The following AIMP1 variants were observed in gnomAD, a reference collection of about 807,000 sequenced individuals.
AIMP1 encodes the protein aminoacyl tRNA synthase complex-interacting multifunctional protein 1.
Under a neutral mutation model 33.1 loss-of-function variants are expected in AIMP1, and 24 were observed. The observed-to-expected ratio is 0.73, with a 90% CI of 0.53 to 1.02. The LOEUF (loss-of-function observed/expected upper bound fraction) is 1.02. AIMP1 is among the 50% of genes least tolerant of loss of function. The pLI is 0.00. For synonymous variants in AIMP1, 120 were observed against 121.5 expected, an observed-to-expected ratio of 0.99 and a Z score of 0.08; for missense variants, 367 against 364.8, an observed-to-expected ratio of 1.01 and a Z score of -0.05.
At chr4:106,331,583 G>T in intron 4 of AIMP1, 89 bp from the exon 5 acceptor site, 1 of 1,121,848 alleles carries the variant, frequency 8.9e-7, no homozygotes, top group Middle Eastern at 2.0e-4. Context: ...TTCCTTTTAA[G>T]CTCATTGGTA....
chr4:106,328,335 A>G, intron 4 of AIMP1, 92 bp downstream of exon 4: 1 of 1,426,662 alleles, frequency 7.0e-7, no homozygotes, highest in Non-Finnish European at 9.5e-7. Flanking sequence ...TATCAAAAGT[A>G]AAGTTCAACT....
At chr4:106,323,723 A>G (rs1024613654) in intron 1 of AIMP1, among the ~76,000 whole-genome samples, 4 of 152,196 alleles carry the variant, frequency 2.6e-5, no homozygotes, top group Admixed American at 2.0e-4. Flanking sequence ...TATACTCAAT[A>G]GGTAAAATGT....
At chr4:106,341,922 G>C (rs1480538373) in intron 6 of AIMP1, among the ~76,000 whole-genome samples, 3 of 152,118 alleles carry the variant, frequency 2.0e-5, no homozygotes, top group Admixed American at 2.0e-4. Context: ...TCCAATCCAT[G>C]AGTGTACAAT....
Position 106,347,616 on chromosome 4 carries a change from A to T in AIMP1, c.863A>T (p.Tyr288Phe), listed in dbSNP as rs371587424. ...LHTNDECVATYKGVPFEVKGK... is the reference protein window; with the variant it reads ...LHTNDECVATFKGVPFEVKGK... ...ACTAATGATGAGTGTGTGGCTACATACAAAGGAGTTCCCTTTGAGGTGAAA... is the reference window on the plus strand; with the variant it reads ...ACTAATGATGAGTGTGTGGCTACATTCAAAGGAGTTCCCTTTGAGGTGAAA... Residue 288 changes from tyrosine (Y) to phenylalanine (F), a missense_variant, in exon 7 of 7, where the codon TAC (tyrosine) becomes TTC (phenylalanine). Transcript: ENST00000672341. 1 of 1,613,320 alleles carries T rather than the reference A, an allele frequency of 6.2e-7. No individual in the cohort carries two copies. The highest frequency in any genetic ancestry group is 8.5e-7 in the Non-Finnish European group (1 of 1,179,646).
intron 4 of AIMP1, among the ~76,000 whole-genome samples, chr4:106,330,491 A>G (rs1444951604): frequency 6.6e-6 from 1 of 152,206 alleles, no homozygotes; most frequent in African/African-American, 2.4e-5. Context: ...ATTTTAAGTT[A>G]ATTCCATCCC....
chr4:106,316,544 C>A (rs1165779559), upstream of AIMP1: 1 of 1,551,612 alleles, frequency 6.4e-7, no homozygotes. Context: ...GTGGCTGGAC[C>A]TACATGCTTC....
chr4:106,325,254 CTG>C lies in AIMP1; in HGVS notation c.109+137_109+138del. 3.7e-6 allele frequency: 3 copies of C among 819,752 alleles called. No homozygotes were observed. The South Asian group carries it at 6.1e-5, about 17-fold the overall frequency. 50.8% of individuals were successfully genotyped at this position (819,752 alleles called of 1,614,324 possible). A position where few individuals can be genotyped will look rare whatever the true frequency, so the allele number is the denominator to read the frequency against. On this transcript the variant is annotated intron_variant, in intron 2 of 6. Transcript: ENST00000672341. ...TGTTATATGTAGAAAAATATCAAAC[CTG>C]AATTTCTACCTTCAGGACTTCAGTT...
chr4:106,343,538 G>A (rs1770181800), intron 6 of AIMP1, among the ~76,000 whole-genome samples: 1 of 152,074 alleles, frequency 6.6e-6, no homozygotes, highest in Admixed American at 6.5e-5. Context: ...AAGTACCCAT[G>A]ACTTTGAATG....
At chr4:106,344,761 C>G (rs1241929482) in intron 6 of AIMP1, among the ~76,000 whole-genome samples, 1 of 151,280 alleles carries the variant, frequency 6.6e-6, no homozygotes, top group Non-Finnish European at 1.5e-5. Flanking sequence ...GTTCACTCCA[C>G]TTGAGCCACT....
chr4:106,337,100 T>A lies in AIMP1; in HGVS notation c.772+63T>A, dbSNP rs527289373. On this transcript the variant is annotated intron_variant, in intron 6 of 6. Coordinates refer to ENST00000672341, the MANE Select transcript of AIMP1 (RefSeq NM_001142416.2). The stretch of plus-strand genomic sequence containing the variant: ...TCAGTTCTCAAAGTGATGTTTGTAA[T>A]GCTTAAAGGTTAAAATCAGTCCTGT... The A allele has an allele frequency of 3.7e-5, 53 of 1,415,064 alleles. No homozygotes were observed. In the African/African-American group the frequency reaches 6.2e-4, roughly 17 times the overall value. 87.7% of individuals were successfully genotyped at this position (1,415,064 alleles called of 1,614,324 possible). A position where few individuals can be genotyped will look rare whatever the true frequency, so the allele number is the denominator to read the frequency against.
chr4:106,334,896 C>T (rs561529615), intron 5 of AIMP1, among the ~76,000 whole-genome samples: 4 of 151,786 alleles, frequency 2.6e-5, no homozygotes, highest in South Asian at 4.2e-4. Context: ...AGCAGGAGGC[C>T]GATATGAATA....
At chr4:106,345,775 T>C (rs1402397326) in intron 6 of AIMP1, among the ~76,000 whole-genome samples, 2 of 151,170 alleles carry the variant, frequency 1.3e-5, no homozygotes, top group African/African-American at 2.4e-5. Flanking sequence ...TTACACAGTT[T>C]TGTTATTCTT....
chr4:106,327,323 C>A, intron 2 of AIMP1, 128 bp from the exon 3 acceptor site: 1 of 657,232 alleles, frequency 1.5e-6, no homozygotes, highest in Non-Finnish European at 2.7e-6. Context: ...AAGGCACTGG[C>A]CAAACATTTG....
At chr4:106,329,778 T>A (rs1371581697) in intron 4 of AIMP1, among the ~76,000 whole-genome samples, 1 of 120,936 alleles carries the variant, frequency 8.3e-6, no homozygotes, top group Non-Finnish European at 1.7e-5. Context: ...ATATCTTTTT[T>A]TTTTTTTTTT....
intron 5 of AIMP1, among the ~76,000 whole-genome samples, chr4:106,335,091 G>A (rs1769822769): frequency 6.6e-6 from 1 of 152,188 alleles, no homozygotes; most frequent in Non-Finnish European, 1.5e-5. Context: ...TGGCTGCTCT[G>A]TTGATGGGAG....
At chr4:106,336,541 G>GTT (rs1201061353) in intron 5 of AIMP1, among the ~76,000 whole-genome samples, 1 of 152,158 alleles carries the variant, frequency 6.6e-6, no homozygotes, top group Non-Finnish European at 1.5e-5. Context: ...AAACAGGAGT[G>GTT]TCAACTTTAT....
chr4:106,348,445 C>G lies in AIMP1; in HGVS notation c.*753C>G, dbSNP rs963128015. On this transcript the variant is annotated 3_prime_UTR_variant, in exon 7 of 7. Transcript: ENST00000672341. ...TCCTTTTTTTTTTTAATTCTAGCTT[C>G]TTTTTAAAGATTATTTGGGTACCTA... The G allele has an allele frequency of 6.7e-6, 1 of 149,594 alleles. No individual in the cohort carries two copies. The highest frequency in any genetic ancestry group is 2.5e-5 in the African/African-American group (1 of 40,694). The allele number at this position is 149,594 out of a possible 1,614,324, so 9.3% of individuals were successfully genotyped here.
intron 1 of AIMP1, among the ~76,000 whole-genome samples, chr4:106,319,170 G>T (rs1218830058): frequency 6.6e-6 from 1 of 152,080 alleles, no homozygotes; most frequent in East Asian, 1.9e-4. Flanking sequence ...TTAAAAGTCT[G>T]CCTGTAAAAC....
Position 106,337,081 on chromosome 4 carries a change from C to A in AIMP1, c.772+44C>A, listed in dbSNP as rs763011325. 2.6e-6 allele frequency: 4 copies of A among 1,539,208 alleles called. No homozygotes were observed. The South Asian group carries it at 3.4e-5, about 13-fold the overall frequency. On this transcript the variant is annotated intron_variant, in intron 6 of 6. Coordinates refer to ENST00000672341, the MANE Select transcript of AIMP1 (RefSeq NM_001142416.2). ...TTACTTAATAGTTTCGGAATCAGTTCTCAAAGTGATGTTTGTAATGCTTAA... is the reference window on the plus strand; with the variant it reads ...TTACTTAATAGTTTCGGAATCAGTTATCAAAGTGATGTTTGTAATGCTTAA...
Sources: allele counts gnomAD v4.1 joint callset (sites outside exome capture counted in the v4.1 genomes callset), GRCh38; gene constraint gnomAD v4.1.1; transcripts MANE v1.5; gene names NCBI Gene and HGNC (gene_info 2026-07-23, HGNC 2026-07-21).